Variants in MRTFB observed in about 807,000 individuals in gnomAD.
MRTFB encodes the protein myocardin-related transcription factor B.
Under a neutral mutation model 104.2 loss-of-function variants are expected in MRTFB, and 29 were observed. The ratio of observed to expected loss-of-function variants is 0.28; its 90% CI spans 0.21 to 0.38. The LOEUF (loss-of-function observed/expected upper bound fraction) is 0.38, where lower values mean the gene tolerates loss of function less well. MRTFB is among the 10% of genes least tolerant of loss of function. The probability of loss-of-function intolerance (pLI) is 1.00; values close to 1 mark genes in which losing one functional copy is unlikely to be tolerated. For missense variants in MRTFB, 1,270 were observed against 1,341.6 expected (o/e 0.95, Z 0.83); for synonymous variants, 535 against 519.5 (o/e 1.03, Z -0.41).
chr16:14,066,740 A>G (rs952177475), upstream of MRTFB, among the ~76,000 whole-genome samples: 1 of 150,340 alleles, frequency 6.7e-6, no homozygotes, highest in African/African-American at 2.4e-5. Flanking sequence ...TGGCACGATC[A>G]CAGCATCCTA....
chr16:14,080,438 A>C (rs904432762), intron 2 of MRTFB, among the ~76,000 whole-genome samples: 1 of 152,204 alleles, frequency 6.6e-6, no homozygotes, highest in Non-Finnish European at 1.5e-5. Context: ...GAATGTTTCA[A>C]TCTAGCTAAT....
chr16:14,115,192 G>A (rs1327591056), intron 2 of MRTFB, among the ~76,000 whole-genome samples: 1 of 152,224 alleles, frequency 6.6e-6, no homozygotes, highest in Admixed American at 6.5e-5. Context: ...CTGAGGGGAG[G>A]ATCTTGTTCT....
At chr16:14,230,163 TAAAACCATA>T (rs1349881148) in intron 8 of MRTFB, among the ~76,000 whole-genome samples, 3 of 152,052 alleles carry the variant, frequency 2.0e-5, no homozygotes, top group Non-Finnish European at 4.4e-5. Context: ...ATGTTAGACC[TAAAACCATA>T]AAAACCCTAG....
intron 3 of MRTFB, among the ~76,000 whole-genome samples, chr16:14,171,404 A>G (rs551265797): frequency 1.3e-5 from 2 of 152,208 alleles, no homozygotes; most frequent in South Asian, 4.2e-4. Context: ...CTGAGGCAGA[A>G]GACTCTCTTG....
chr16:14,034,296 C>T, the MRTFB span, among the ~76,000 whole-genome samples: 1 of 152,122 alleles, frequency 6.6e-6, no homozygotes, highest in African/African-American at 2.4e-5. Context: ...CTTCTGGTAG[C>T]CCCAGGTGTC....
At chr16:14,236,485 CAA>C (rs1567201258) in intron 9 of MRTFB, among the ~76,000 whole-genome samples, 14 of 152,174 alleles carry the variant, frequency 9.2e-5, no homozygotes, top group Non-Finnish European at 1.8e-4. Context: ...GGTAAACAGA[CAA>C]CCAAATAGAG....
chr16:14,213,291 T>C (rs976952266), intron 5 of MRTFB, among the ~76,000 whole-genome samples: 2 of 152,202 alleles, frequency 1.3e-5, no homozygotes, highest in African/African-American at 4.8e-5. Context: ...ACACGACCTT[T>C]CGATGTTCAT....
intron 2 of MRTFB, among the ~76,000 whole-genome samples, chr16:14,111,984 A>G (rs1361612139): frequency 6.6e-6 from 1 of 152,072 alleles, no homozygotes; most frequent in Non-Finnish European, 1.5e-5. Context: ...ACTGGGTACC[A>G]TCCCCCCTGA....
intron 2 of MRTFB, among the ~76,000 whole-genome samples, chr16:14,140,025 G>C (rs2037916178): frequency 6.6e-6 from 1 of 152,100 alleles, no homozygotes; most frequent in Non-Finnish European, 1.5e-5. Context: ...TTAAAAGTTT[G>C]TTTCTTTGTC....
chr16:14,244,372 A>C (rs894492930), intron 10 of MRTFB, among the ~76,000 whole-genome samples: 7 of 152,178 alleles, frequency 4.6e-5, no homozygotes, highest in African/African-American at 9.7e-5. Context: ...TTTGGCATAC[A>C]TACATGTGTC....
intron 2 of MRTFB, among the ~76,000 whole-genome samples, chr16:14,137,093 A>C (rs1051162949): frequency 2.0e-5 from 3 of 152,158 alleles, no homozygotes; most frequent in Non-Finnish European, 2.9e-5. Context: ...TTAATATGTC[A>C]ATTATTGACG....
intron 8 of MRTFB, among the ~76,000 whole-genome samples, chr16:14,221,044 C>T (rs1017430597): frequency 8.5e-5 from 13 of 152,090 alleles, no homozygotes; most frequent in Non-Finnish European, 1.6e-4. Flanking sequence ...AGAAGCATGT[C>T]CATGGTAACT....
the MRTFB span, among the ~76,000 whole-genome samples, chr16:14,016,194 G>A: frequency 1.2e-4 from 19 of 152,238 alleles, no homozygotes; most frequent in Non-Finnish European, 2.4e-4. Flanking sequence ...AGGAACAGAT[G>A]TGGGAGCTCT....
At chr16:14,223,249 G>A (rs1433935305) in intron 8 of MRTFB, among the ~76,000 whole-genome samples, 1 of 152,072 alleles carries the variant, frequency 6.6e-6, no homozygotes, top group Non-Finnish European at 1.5e-5. Context: ...AGCAGAGGTT[G>A]CAGTGACCCA....
chr16:14,105,274 G>A, intron 2 of MRTFB, among the ~76,000 whole-genome samples: 1 of 152,004 alleles, frequency 6.6e-6, no homozygotes, highest in African/African-American at 2.4e-5. Flanking sequence ...TTTCTCCTTT[G>A]TCTCTTTCCT....
At chr16:14,248,637 A>G in intron 12 of MRTFB, 1 of 282,146 alleles carries the variant, frequency 3.5e-6, no homozygotes, top group Non-Finnish European at 6.7e-6. Context: ...TATGTGTAGA[A>G]CTGCCTTAGG....
At chr16:14,073,318 T>C (rs942049541) in intron 1 of MRTFB, among the ~76,000 whole-genome samples, 1 of 152,202 alleles carries the variant, frequency 6.6e-6, no homozygotes. Context: ...AAACCCTAAA[T>C]GCCAGCGGTG....
intron 3 of MRTFB, among the ~76,000 whole-genome samples, chr16:14,162,595 G>A (rs570918371): frequency 1.2e-4 from 18 of 152,216 alleles, no homozygotes; most frequent in African/African-American, 2.6e-4. Flanking sequence ...TGAATCTTAC[G>A]AAAATAAGAT....
chr16:14,126,925 T>A (rs930398887), intron 2 of MRTFB, among the ~76,000 whole-genome samples: 1 of 152,208 alleles, frequency 6.6e-6, no homozygotes, highest in African/African-American at 2.4e-5. Flanking sequence ...CAACCGTAGC[T>A]AAAAATGAAG....
Sources: gnomAD v4.1 joint callset for allele counts (sites outside exome capture counted in the v4.1 genomes callset) on GRCh38, gnomAD v4.1.1 for gene constraint, MANE v1.5 for transcripts, NCBI Gene and HGNC (gene_info 2026-07-23, HGNC 2026-07-21) for gene names.